Variants in PATJ observed in about 807,000 individuals in gnomAD.
PATJ encodes PATJ crumbs cell polarity complex component.
PATJ carries 190 observed loss-of-function variants against 224.9 expected under a neutral mutation model. The observed-to-expected ratio is 0.84, with a 90% CI of 0.75 to 0.95. The LOEUF is 0.95. Ranked by LOEUF, PATJ falls within the 40% of genes least tolerant of loss-of-function variation. PATJ has a pLI of 0.00. For synonymous variants in PATJ, 769 were observed against 820.3 expected, an observed-to-expected ratio of 0.94 and a Z score of 1.07; for missense variants, 2,121 against 2,270.3, an observed-to-expected ratio of 0.93 and a Z score of 1.34.
chr1:62,086,658 A>G lies in PATJ; in HGVS notation c.4377+2010A>G, dbSNP rs548171464. Among the ~76,000 whole-genome samples the G allele has an allele frequency of 3.3e-5, 5 of 152,280 alleles. No homozygotes were observed. The highest frequency in any genetic ancestry group is 2.4e-5 in the African/African-American group (1 of 41,564). On this transcript the variant is annotated intron_variant, in intron 33 of 43. Transcript: ENST00000642238. This position sits in a 1 kb window ranked among gnomAD's most constrained non-coding sequence, Gnocchi z 4.0. ...GATCCTAATCTACTTTTGTGTAATAAATATTAGTTCCCTAAAGCACTAGGA... is the reference window on the plus strand; with the variant it reads ...GATCCTAATCTACTTTTGTGTAATAGATATTAGTTCCCTAAAGCACTAGGA...
intron 12 of PATJ, 134 bp downstream of exon 12, chr1:61,801,903 C>CT (rs553793461): frequency 1.5e-3 from 734 of 475,962 alleles, no homozygotes; most frequent in Middle Eastern, 2.0e-3. Flanking sequence ...TTAATATCAA[C>CT]TTTTTTTTTG....
intron 22 of PATJ, 38 bp downstream of exon 22, chr1:61,884,446 TA>T (rs745529491): frequency 6.2e-6 from 6 of 962,232 alleles, no homozygotes; most frequent in Non-Finnish European, 8.3e-6. Flanking sequence ...CATTATAAAA[TA>T]GTGGTTTTTT....
chr1:62,018,060 A>C lies in PATJ; in HGVS notation c.3959+113A>C. ...AGCGAAATCACTGTTCCTTCTAAAA[A>C]CATATATTCCTTTTGTAACTGTCAC... On this transcript the variant is annotated intron_variant, in intron 29 of 43. Transcript: ENST00000642238. This position sits in a 1 kb window ranked among gnomAD's most constrained non-coding sequence, Gnocchi z 4.2. 1 of 595,314 alleles carries C rather than the reference A, an allele frequency of 1.7e-6. No individual in the cohort carries two copies. Among genetic ancestry groups the C allele is most frequent in the Non-Finnish European group, 3.1e-6 (1 of 319,704 alleles). The allele number at this position is 595,314 out of a possible 1,614,324, so 36.9% of individuals were successfully genotyped here.
intron 17 of PATJ, among the ~76,000 whole-genome samples, chr1:61,848,659 T>C (rs1003695897): frequency 6.6e-5 from 10 of 152,158 alleles, no homozygotes; most frequent in African/African-American, 2.4e-4. Flanking sequence ...CAAGCGATCC[T>C]ACCCCCTTGG....
chr1:61,903,352 GC>G (rs1671450171), intron 24 of PATJ, among the ~76,000 whole-genome samples: 1 of 152,158 alleles, frequency 6.6e-6, no homozygotes, highest in East Asian at 1.9e-4. Flanking sequence ...TAATTCAAAA[GC>G]TTTTCAGCTT....
In PATJ at chr1:61,808,534, A is replaced by T; in HGVS notation, c.1683+4A>T. 1 of 1,581,686 alleles carries T rather than the reference A, an allele frequency of 6.3e-7. No individual in the cohort carries two copies. Among genetic ancestry groups the T allele is most frequent in the Non-Finnish European group, 8.7e-7 (1 of 1,151,516 alleles). On this transcript the variant is annotated splice_donor_region_variant and intron_variant, in intron 14 of 43. Transcript: ENST00000642238. ...TGAGTTACAGAAATATTCAAAGGTA[A>T]GCATTTTTTATAACAAAGTTAACAG...
At chr1:62,000,564 G>A (rs34781650) in intron 28 of PATJ, among the ~76,000 whole-genome samples, 23,695 of 145,368 alleles carry the variant, frequency 0.16, 2,386 homozygotes, top group Non-Finnish European at 0.21. Context: ...TCCATGGTGT[G>A]CACGTGCCAC....
chr1:61,836,790 G>T (rs1013196231), intron 17 of PATJ, among the ~76,000 whole-genome samples: 1 of 152,224 alleles, frequency 6.6e-6, no homozygotes, highest in Non-Finnish European at 1.5e-5. Flanking sequence ...CACGTCCCTG[G>T]CTATTATTGC....
intron 34 of PATJ, among the ~76,000 whole-genome samples, chr1:62,113,729 T>C (rs1558186829): frequency 6.6e-6 from 1 of 152,246 alleles, no homozygotes; most frequent in Non-Finnish European, 1.5e-5. Flanking sequence ...GTTATTTCCC[T>C]TTTATCTCAA....
At position 62,161,339 on chromosome 1, in the gene PATJ, T is replaced by C. The variant is rs1470789260; in HGVS notation, c.*285T>C. ...TTTCAGTGTTCCGATTTCTTTTTTT[T>C]TTTTTTTTTTTTTTTTTGAGACGGA... is the stretch of plus-strand genomic sequence containing the variant. On this transcript the variant is annotated 3_prime_UTR_variant, in exon 44 of 44. Coordinates refer to ENST00000642238, the MANE Select transcript of PATJ (RefSeq NM_001350145.3). The C allele has an allele frequency of 2.9e-5, 6 of 210,294 alleles. No homozygotes were observed. In the East Asian group the frequency reaches 5.6e-4, roughly 20 times the overall value. The allele number at this position is 210,294 out of a possible 1,614,324, so 13.0% of individuals were successfully genotyped here.
At chr1:61,960,029 A>T (rs1681046926) in intron 27 of PATJ, among the ~76,000 whole-genome samples, 1 of 152,106 alleles carries the variant, frequency 6.6e-6, no homozygotes, top group Admixed American at 6.5e-5. Flanking sequence ...ATTTCTAAAA[A>T]ATAAATAAAT....
At chr1:61,760,607 CTTTTTCTTTTTCTTTTT>C (rs1414250587) in intron 1 of PATJ, among the ~76,000 whole-genome samples, 1 of 138,358 alleles carries the variant, frequency 7.2e-6, no homozygotes, top group Non-Finnish European at 1.6e-5. Flanking sequence ...TTTTTCTTTT[CTTTTTCTTTTTCTTTTT>C]TTTTTTTTTT....
intron 20 of PATJ, among the ~76,000 whole-genome samples, chr1:61,873,512 T>C (rs761606606): frequency 2.6e-5 from 4 of 152,184 alleles, no homozygotes; most frequent in Admixed American, 6.5e-5. Context: ...AGTGAAAATA[T>C]GATGTTTTCT....
chr1:61,952,054 TCA>T (rs930283015), intron 27 of PATJ: 1 of 295,082 alleles, frequency 3.4e-6, no homozygotes, highest in African/African-American at 2.1e-5. Context: ...TAACTGAGTG[TCA>T]CAGTCAGCAG....
chr1:62,061,569 G>A (rs937100841), intron 31 of PATJ, among the ~76,000 whole-genome samples: 18 of 152,284 alleles, frequency 1.2e-4, no homozygotes, highest in African/African-American at 4.1e-4. Context: ...TTCTGTTCCT[G>A]TGTTAATTTG....
Position 61,766,350 on chromosome 1 carries a change from TG to T in PATJ, c.263del (p.Gly88ValfsTer48). On this transcript the variant is annotated frameshift_variant, in exon 4 of 44. Transcript: ENST00000642238. LOFTEE classifies it high-confidence loss of function. ...GGAAAGGTTTGTTAGTGTTCACAGA[TG>T]GTTCCATCACTAATGGAAATGTCCA... The part of the protein sequence containing the change: ...SRKGLLVFTD[G>X]SITNGNVHRP... 6.2e-7 allele frequency: 1 copy of T among 1,610,228 alleles called. No homozygotes were observed. Among genetic ancestry groups the T allele is most frequent in the Admixed American group, 1.7e-5 (1 of 59,782 alleles).
At chr1:62,061,763 C>T (rs1655489905) in intron 31 of PATJ, among the ~76,000 whole-genome samples, 1 of 151,138 alleles carries the variant, frequency 6.6e-6, no homozygotes, top group Non-Finnish European at 1.5e-5. Flanking sequence ...AGGTTCACGC[C>T]ATTCTCCTGC....
At chr1:61,968,380 C>T (rs951872718) in intron 27 of PATJ, among the ~76,000 whole-genome samples, 21 of 151,866 alleles carry the variant, frequency 1.4e-4, no homozygotes, top group Non-Finnish European at 2.6e-4. Flanking sequence ...TTTCAAGGGT[C>T]GACTTATTTT....
At chr1:62,132,638 C>T (rs1049723601) in intron 41 of PATJ, among the ~76,000 whole-genome samples, 5 of 152,146 alleles carry the variant, frequency 3.3e-5, no homozygotes, top group African/African-American at 9.7e-5. Flanking sequence ...TGCAGTGGTT[C>T]ACACCTATAA....
Sources: allele counts gnomAD v4.1 joint callset (sites outside exome capture counted in the v4.1 genomes callset), GRCh38; gene constraint gnomAD v4.1.1; non-coding constraint Gnocchi (gnomAD v3.1); transcripts MANE v1.5; gene names NCBI Gene and HGNC (gene_info 2026-07-23, HGNC 2026-07-21).